The following GRIN2A variants were observed in gnomAD, a reference collection of about 807,000 sequenced individuals.
GRIN2A encodes glutamate receptor ionotropic, NMDA 2A.
In GRIN2A, 22 loss-of-function variants were observed where a neutral mutation model predicts 113.4. That is an observed-to-expected ratio of 0.19 (90% CI 0.14 to 0.28). The LOEUF is 0.28. GRIN2A is among the 10% of genes least tolerant of loss of function. The probability of loss-of-function intolerance (pLI) is 1.00; values close to 1 mark genes in which losing one functional copy is unlikely to be tolerated. For synonymous variants in GRIN2A, 827 were observed against 738.4 expected (o/e 1.12, Z -1.94); for missense variants, 1,502 against 1,887.0 (o/e 0.80, Z 3.78).
chr16:9,910,386 G>T (rs1247910433), intron 3 of GRIN2A, among the ~76,000 whole-genome samples: 2 of 151,880 alleles, frequency 1.3e-5, no homozygotes. Context: ...CCACAACAAA[G>T]AATCATTTTA....
rs755485940 is a variant in GRIN2A at position 9,849,818 on chromosome 16, T to A, written c.1266A>T (p.Ile422=). ...EEAPFVIVED[I]DPLTETCVRN... is the part of the protein sequence containing the mutation. ...TCACACACGTCTCGGTCAGGGGGTC[T>A]ATGTCTTCCACGATGACGAATGGGG... Residue 422 remains isoleucine, a synonymous_variant, in exon 5 of 13, where the codon ATA becomes ATT. Transcript: ENST00000330684. The A allele has an allele frequency of 6.2e-7, 1 of 1,614,062 alleles. No homozygotes were observed. Among genetic ancestry groups the A allele is most frequent in the Non-Finnish European group, 8.5e-7 (1 of 1,179,962 alleles).
At chr16:10,083,435 G>A (rs2048022067) in intron 2 of GRIN2A, among the ~76,000 whole-genome samples, 2 of 152,178 alleles carry the variant, frequency 1.3e-5, no homozygotes, top group African/African-American at 2.4e-5. Flanking sequence ...TTGATCTCAG[G>A]ACATTTCCTT....
Position 9,970,816 on chromosome 16 carries a change from G to A in GRIN2A, c.415-32265C>T, listed in dbSNP as rs115768731. The A allele has an allele frequency of 2.9e-3, 1,477 of 502,874 alleles. 27 individuals carry two copies. The highest frequency in any genetic ancestry group is 0.029 in the African/African-American group (1,378 of 48,324). 31.2% of individuals were successfully genotyped at this position (502,874 alleles called of 1,614,324 possible). Reference sequence around the variant, plus strand: ...TATATCAAATATAGTTCCTTCCCCTGAGAAACGCAGACTGGTTGGTGAGAC... The same window carrying A: ...TATATCAAATATAGTTCCTTCCCCTAAGAAACGCAGACTGGTTGGTGAGAC... On this transcript the variant is annotated intron_variant, in intron 2 of 12. Coordinates refer to ENST00000330684, the MANE Select transcript of GRIN2A (RefSeq NM_001134407.3).
intron 2 of GRIN2A, among the ~76,000 whole-genome samples, chr16:10,129,928 A>G (rs2049026983): frequency 6.6e-6 from 1 of 152,250 alleles, no homozygotes; most frequent in Admixed American, 6.5e-5. Context: ...CAGTGAAGGT[A>G]GAAGCATGTT....
At chr16:10,096,197 T>G (rs2142095553) in intron 2 of GRIN2A, among the ~76,000 whole-genome samples, 1 of 152,316 alleles carries the variant, frequency 6.6e-6, no homozygotes, top group East Asian at 1.9e-4. Context: ...TTAGGCTCCT[T>G]GGGTGATTCT....
At chr16:9,957,363 C>G (rs1475845978) in intron 2 of GRIN2A, among the ~76,000 whole-genome samples, 1 of 152,192 alleles carries the variant, frequency 6.6e-6, no homozygotes, top group Non-Finnish European at 1.5e-5. Context: ...GGGACACAGC[C>G]ACTCCCTATC....
chr16:9,785,239 A>G (rs948630814), intron 11 of GRIN2A, among the ~76,000 whole-genome samples: 2 of 152,088 alleles, frequency 1.3e-5, no homozygotes, highest in Non-Finnish European at 2.9e-5. Flanking sequence ...CACATATACA[A>G]CATGGAATAC....
intron 5 of GRIN2A, among the ~76,000 whole-genome samples, chr16:9,843,661 G>A (rs991302505): frequency 6.6e-6 from 1 of 152,166 alleles, no homozygotes; most frequent in Non-Finnish European, 1.5e-5. Flanking sequence ...CTCTGCTTCT[G>A]TCAACCCAGA....
chr16:10,051,430 T>C (rs8061963), intron 2 of GRIN2A, among the ~76,000 whole-genome samples: 1 of 152,108 alleles, frequency 6.6e-6, no homozygotes, highest in Non-Finnish European at 1.5e-5. Flanking sequence ...GCATTGCCTT[T>C]TCACAGGAGT....
chr16:9,813,028 C>T (rs748416230), intron 10 of GRIN2A, among the ~76,000 whole-genome samples: 2 of 152,226 alleles, frequency 1.3e-5, no homozygotes, highest in Non-Finnish European at 2.9e-5. Flanking sequence ...TGCTCTTCAT[C>T]GTACAGAAGT....
chr16:10,136,148 A>G (rs2049186584), intron 2 of GRIN2A, among the ~76,000 whole-genome samples: 1 of 151,978 alleles, frequency 6.6e-6, no homozygotes, highest in Non-Finnish European at 1.5e-5. Context: ...ATCCAACCCC[A>G]CTGGTTCTGA....
chr16:9,928,306 G>A (rs1567180818), intron 3 of GRIN2A, among the ~76,000 whole-genome samples: 1 of 152,184 alleles, frequency 6.6e-6, no homozygotes, highest in East Asian at 1.9e-4. Context: ...ATGATCAGGA[G>A]AGCTTTTGGC....
chr16:9,843,982 C>T (rs922316699), intron 5 of GRIN2A, among the ~76,000 whole-genome samples: 9 of 152,138 alleles, frequency 5.9e-5, no homozygotes, highest in African/African-American at 1.9e-4. Flanking sequence ...GTGTCAAAAT[C>T]GAATTCTCTT....
At chr16:10,124,216 G>C (rs1383979710) in intron 2 of GRIN2A, among the ~76,000 whole-genome samples, 2 of 152,130 alleles carry the variant, frequency 1.3e-5, no homozygotes, top group Non-Finnish European at 2.9e-5. Context: ...ACGATGTATA[G>C]GGAAAAAAGA....
At chr16:9,819,291 A>G (rs1231623078) in intron 10 of GRIN2A, among the ~76,000 whole-genome samples, 3 of 152,152 alleles carry the variant, frequency 2.0e-5, no homozygotes, top group African/African-American at 2.4e-5. Flanking sequence ...AGGCTGAGGC[A>G]GGAGAATGGC....
intron 2 of GRIN2A, among the ~76,000 whole-genome samples, chr16:9,963,035 A>T: frequency 6.8e-6 from 1 of 147,290 alleles, no homozygotes; most frequent in East Asian, 2.1e-4. Context: ...AAAACCAAAC[A>T]CCACATGTTC....
At chr16:10,152,680 G>A (rs1018750258) in intron 2 of GRIN2A, among the ~76,000 whole-genome samples, 1 of 152,136 alleles carries the variant, frequency 6.6e-6, no homozygotes, top group Non-Finnish European at 1.5e-5. Flanking sequence ...ACAAGCAATA[G>A]TGCTGAGGTC....
At chr16:9,963,859 G>C (rs935641339) in intron 2 of GRIN2A, among the ~76,000 whole-genome samples, 1 of 152,178 alleles carries the variant, frequency 6.6e-6, no homozygotes, top group African/African-American at 2.4e-5. Context: ...CTGCCTCATG[G>C]GGCTTGCATT....
chr16:9,998,271 C>T (rs1276750873), intron 2 of GRIN2A, among the ~76,000 whole-genome samples: 4 of 152,056 alleles, frequency 2.6e-5, no homozygotes, highest in Admixed American at 6.6e-5. Context: ...ACCTCGAAAA[C>T]GTCATGATAA....
Sources: allele counts gnomAD v4.1 joint callset (sites outside exome capture counted in the v4.1 genomes callset), GRCh38; gene constraint gnomAD v4.1.1; transcripts MANE v1.5; gene names NCBI Gene and HGNC (gene_info 2026-07-23, HGNC 2026-07-21).